Variants in PUM1 observed in about 807,000 individuals in gnomAD.
The protein encoded by PUM1 is pumilio homolog 1.
PUM1 carries 13 observed loss-of-function variants against 131.8 expected under a neutral mutation model. The observed-to-expected ratio is 0.10, with a 90% confidence interval of 0.06 to 0.16. The LOEUF (loss-of-function observed/expected upper bound fraction) is 0.16. PUM1 is among the 10% of genes least tolerant of loss of function. PUM1 has a pLI of 1.00. For missense variants in PUM1, 961 were observed against 1,512.4 expected (o/e 0.64, Z 6.05); for synonymous variants, 509 against 556.5 (o/e 0.91, Z 1.20).
Position 30,942,048 on chromosome 1 carries a change from T to C in PUM1, c.3070A>G (p.Thr1024Ala). 1.9e-6 allele frequency: 3 copies of C among 1,603,064 alleles called. No homozygotes were observed. The highest frequency in any genetic ancestry group is 2.6e-6 in the Non-Finnish European group (3 of 1,173,498). The change falls in exon 19 of 22, where the codon ACA becomes GCA. Residue 1024 changes from threonine to alanine, a missense_variant. This residue lies in a region of PUM1 where 178 missense variants were observed against 327.5 expected (regional missense o/e 0.54). Coordinates refer to ENST00000426105, the MANE Select transcript of PUM1 (RefSeq NM_001020658.2). ...RILEHCLPDQ[T>A]LPILEELHQH... is the part of the protein sequence containing the mutation. The stretch of plus-strand genomic sequence containing the variant: ...TGAAGCTCCTCTAAAATAGGGAGTG[T>C]CTGGTCAGGGAGACAGTGCTCCAGG...
At chr1:31,016,480 T>C (rs1232762973) in intron 3 of PUM1, among the ~76,000 whole-genome samples, 1 of 152,196 alleles carries the variant, frequency 6.6e-6, no homozygotes, top group East Asian at 1.9e-4. Context: ...TGCATTTATA[T>C]ATATGTATAT....
At chr1:31,008,844 A>C (rs1642487465) in intron 3 of PUM1, among the ~76,000 whole-genome samples, 1 of 152,114 alleles carries the variant, frequency 6.6e-6, no homozygotes, top group South Asian at 2.1e-4. Flanking sequence ...AATTATTTTT[A>C]AACTTATTTT....
chr1:30,945,608 C>A (rs1639635276), intron 17 of PUM1, 125 bp from the exon 18 acceptor site: 1 of 1,011,822 alleles, frequency 9.9e-7, no homozygotes, highest in Non-Finnish European at 1.4e-6. Flanking sequence ...AGTGGAATAG[C>A]AGCTGTGGAA....
intron 5 of PUM1, among the ~76,000 whole-genome samples, chr1:30,999,334 C>T (rs970650079): frequency 2.0e-5 from 3 of 152,068 alleles, no homozygotes; most frequent in African/African-American, 7.2e-5. Context: ...CCGCCAGGTG[C>T]GGTGGCTCAC....
chr1:30,974,863 C>A, intron 9 of PUM1, 61 bp from the exon 10 acceptor site: 3 of 1,365,668 alleles, frequency 2.2e-6, no homozygotes, highest in South Asian at 1.4e-5. Flanking sequence ...CTCAGCCTTT[C>A]CAAAATTACA....
intron 2 of PUM1, among the ~76,000 whole-genome samples, chr1:31,035,761 A>G (rs1266018084): frequency 6.6e-6 from 1 of 152,176 alleles, no homozygotes; most frequent in Non-Finnish European, 1.5e-5. Flanking sequence ...CAAATAAAAA[A>G]AAAAAGAAAA....
chr1:30,955,078 C>CAA (rs1640094458), intron 14 of PUM1, among the ~76,000 whole-genome samples: 1 of 149,714 alleles, frequency 6.7e-6, no homozygotes, highest in South Asian at 2.1e-4. Flanking sequence ...CCAAAAAAAA[C>CAA]AAACAAACAA....
chr1:30,965,861 G>A, intron 13 of PUM1, 121 bp downstream of exon 13: 1 of 1,013,936 alleles, frequency 9.9e-7, no homozygotes. Context: ...TATGTGGGAT[G>A]GCTGGATTCC....
intron 20 of PUM1, among the ~76,000 whole-genome samples, chr1:30,938,734 G>A (rs1395133329): frequency 6.6e-6 from 1 of 152,020 alleles, no homozygotes; most frequent in African/African-American, 2.4e-5. Flanking sequence ...GAGTGGTGGC[G>A]GACACCTGTA....
At chr1:30,970,614 G>C (rs575805379) in intron 10 of PUM1, among the ~76,000 whole-genome samples, 14 of 152,244 alleles carry the variant, frequency 9.2e-5, no homozygotes, top group South Asian at 2.1e-4. Flanking sequence ...GGCTGTACAG[G>C]TGAGTTTTAC....
At chr1:30,959,906 CAAAA>C (rs756601320) in intron 14 of PUM1, among the ~76,000 whole-genome samples, 2 of 87,040 alleles carry the variant, frequency 2.3e-5, no homozygotes, top group Admixed American at 1.3e-4. Context: ...GACTCCAGCT[CAAAA>C]AAAAAAAAAA....
intron 5 of PUM1, among the ~76,000 whole-genome samples, chr1:30,999,106 T>C (rs540004846): frequency 4.5e-4 from 69 of 152,292 alleles, no homozygotes; most frequent in Non-Finnish European, 5.1e-4. Context: ...GCTCATGTGA[T>C]CCTTCCACCT....
At chr1:30,985,562 G>A (rs1378436015) in intron 7 of PUM1, among the ~76,000 whole-genome samples, 1 of 147,192 alleles carries the variant, frequency 6.8e-6, no homozygotes, top group Non-Finnish European at 1.5e-5. Flanking sequence ...TGAGGCAGAA[G>A]AATTGCTTGA....
At chr1:31,035,998 C>T (rs748771217) in intron 2 of PUM1, among the ~76,000 whole-genome samples, 1 of 151,990 alleles carries the variant, frequency 6.6e-6, no homozygotes. Flanking sequence ...ATTTTATATA[C>T]GAGGAAACCA....
chr1:30,984,392 T>C (rs1641468780), intron 7 of PUM1, among the ~76,000 whole-genome samples: 1 of 152,232 alleles, frequency 6.6e-6, no homozygotes, highest in African/African-American at 2.4e-5. Context: ...TGCCATCTGC[T>C]GGGCAAAGCA....
rs1009101772 is a variant in PUM1, at chr1:30,931,853, C to T, written c.*1358G>A. The T allele has an allele frequency of 6.6e-6, 1 of 152,546 alleles. No individual in the cohort carries two copies. Among genetic ancestry groups the T allele is most frequent in the Non-Finnish European group, 1.5e-5 (1 of 68,032 alleles). 9.4% of individuals were successfully genotyped at this position (152,546 alleles called of 1,614,324 possible). On this transcript the variant is annotated 3_prime_UTR_variant, in exon 22 of 22. Coordinates refer to ENST00000426105, the MANE Select transcript of PUM1 (RefSeq NM_001020658.2). ...AGAGGGGCTCTGATTGTAAGGAAAG[C>T]TCGGGCAAGGCTAGACTTTTGCACG...
rs78865003 is a variant in PUM1, at chr1:30,994,695, T to C, written c.887+359A>G. On this transcript the variant is annotated intron_variant, in intron 6 of 21. Transcript: ENST00000426105. ...ATATGACATATTCCATTAGTAACCA[T>C]AGCTCTCTAATACGGTAATTTGGGA... is the stretch of plus-strand genomic sequence containing the variant. Among the ~76,000 whole-genome samples, 825 of 152,314 alleles carry C rather than the reference T, an allele frequency of 5.4e-3. 2 individuals carry two copies. Among genetic ancestry groups the C allele is most frequent in the Middle Eastern group, 0.017 (5 of 294 alleles).
At chr1:31,030,287 G>A (rs1374855670) in intron 2 of PUM1, among the ~76,000 whole-genome samples, 2 of 152,036 alleles carry the variant, frequency 1.3e-5, no homozygotes, top group African/African-American at 2.4e-5. Context: ...ACCTGAAGCA[G>A]GAGTCTCTCA....
chr1:31,054,006 A>C (rs1259766030), intron 2 of PUM1, among the ~76,000 whole-genome samples: 1 of 150,246 alleles, frequency 6.7e-6, no homozygotes, highest in African/African-American at 2.4e-5. Flanking sequence ...AGGCAGGAGA[A>C]TCACTTGAAC....
Sources: gnomAD v4.1 joint callset for allele counts (sites outside exome capture counted in the v4.1 genomes callset) on GRCh38, gnomAD v4.1.1 for gene constraint, gnomAD v4.1.1 regional missense constraint, MANE v1.5 for transcripts, NCBI Gene and HGNC (gene_info 2026-07-23, HGNC 2026-07-21) for gene names.